The following RCOR1 variants were observed in gnomAD, a reference collection of about 807,000 sequenced individuals.
RCOR1 encodes the protein REST corepressor 1.
In RCOR1, 12 loss-of-function variants were observed where a neutral mutation model predicts 64.0. That is an observed-to-expected ratio of 0.19 (90% CI 0.12 to 0.30). The LOEUF is 0.30. RCOR1 is among the 10% of genes least tolerant of loss of function. The pLI is 1.00. For synonymous variants in RCOR1, 279 were observed against 227.2 expected (o/e 1.23, Z -2.05); for missense variants, 502 against 621.2 (o/e 0.81, Z 2.04).
rs760210945 is a variant in RCOR1 at position 102,592,893 on chromosome 14, G to C, written c.7G>C (p.Ala3Pro). 2.4e-6 allele frequency: 3 copies of C among 1,232,158 alleles called. No individual in the cohort carries two copies. Among genetic ancestry groups the C allele is most frequent in the African/African-American group, 3.2e-5 (2 of 62,200 alleles). 76.3% of individuals were successfully genotyped at this position (1,232,158 alleles called of 1,614,324 possible). A position where few individuals can be genotyped will look rare whatever the true frequency, so the allele number is the denominator to read the frequency against. ...ACGGCCCCGGCCCCCGCCGATGCCG[G>C]CCATGGTGGAGAAGGGCCCCGAGGT... MP[A>P]MVEKGPEVSG... The change falls in exon 1 of 12, where the codon GCC (alanine) becomes CCC (proline). Residue 3 changes from alanine (A) to proline (P), a missense_variant. Ala to Pro is a conservative substitution (Grantham distance 27). Around this residue, in one of 2 missense-constraint regions of RCOR1, gnomAD observed 242 missense variants for 204.9 expected, o/e 1.18. Transcript: ENST00000262241.
intron 2 of RCOR1, among the ~76,000 whole-genome samples, chr14:102,676,172 C>T (rs1425129233): frequency 2.7e-5 from 4 of 150,744 alleles, no homozygotes; most frequent in African/African-American, 9.8e-5. Flanking sequence ...TCCCGCCTTT[C>T]TATTCCACAA....
In RCOR1 at chr14:102,701,363, A is replaced by G. The variant is rs748206966; in HGVS notation, c.498+33A>G. 4.7e-6 allele frequency: 7 copies of G among 1,480,170 alleles called. No homozygotes were observed. In the African/African-American group the frequency reaches 1.0e-4, roughly 21 times the overall value. 91.7% of individuals were successfully genotyped at this position (1,480,170 alleles called of 1,614,324 possible). A position where few individuals can be genotyped will look rare whatever the true frequency, so the allele number is the denominator to read the frequency against. On this transcript the variant is annotated intron_variant, in intron 4 of 11. Coordinates refer to ENST00000262241, the MANE Select transcript of RCOR1 (RefSeq NM_015156.4). ...CATGGTTTTCTTTCTTTTGCTGTTA[A>G]AAAATGAGTATTTGTAACTAAATAA...
intron 2 of RCOR1, among the ~76,000 whole-genome samples, chr14:102,630,710 G>T (rs1000181655): frequency 6.6e-6 from 1 of 152,126 alleles, no homozygotes; most frequent in Non-Finnish European, 1.5e-5. Flanking sequence ...TCCTTTTCTG[G>T]TTCAAGTTAT....
intron 2 of RCOR1, among the ~76,000 whole-genome samples, chr14:102,642,424 T>G (rs1894387739): frequency 6.6e-6 from 1 of 152,244 alleles, no homozygotes. Flanking sequence ...ATGCGTTTCT[T>G]CATTTGTTAA....
intron 2 of RCOR1, among the ~76,000 whole-genome samples, chr14:102,648,522 A>G (rs1894520192): frequency 1.3e-5 from 2 of 152,186 alleles, no homozygotes; most frequent in South Asian, 2.1e-4. Context: ...ATAGAAACCA[A>G]TATCTTGGCA....
intron 2 of RCOR1, among the ~76,000 whole-genome samples, chr14:102,616,179 C>T (rs1893754998): frequency 6.7e-6 from 1 of 149,706 alleles, no homozygotes; most frequent in South Asian, 2.1e-4. Context: ...TGTGTTTATC[C>T]ATTTATTACA....
At chr14:102,680,415 T>TG (rs1307861831) in intron 2 of RCOR1, among the ~76,000 whole-genome samples, 3 of 152,212 alleles carry the variant, frequency 2.0e-5, no homozygotes, top group Non-Finnish European at 2.9e-5. Context: ...GTATTCCCTT[T>TG]GGGGTCCCTC....
At chr14:102,618,645 G>A (rs1300031117) in intron 2 of RCOR1, among the ~76,000 whole-genome samples, 1 of 152,180 alleles carries the variant, frequency 6.6e-6, no homozygotes, top group Non-Finnish European at 1.5e-5. Flanking sequence ...TCTGGCTGAA[G>A]TTTAGTAATT....
At chr14:102,593,939 C>T (rs1291876435) in intron 2 of RCOR1, among the ~76,000 whole-genome samples, 1 of 152,186 alleles carries the variant, frequency 6.6e-6, no homozygotes, top group African/African-American at 2.4e-5. Context: ...ATTTTAGGAC[C>T]TATTTGTAAA....
intron 2 of RCOR1, among the ~76,000 whole-genome samples, chr14:102,620,664 T>G (rs908700559): frequency 1.2e-4 from 19 of 152,178 alleles, no homozygotes; most frequent in African/African-American, 4.6e-4. Context: ...CAAGGCTCAG[T>G]GAGCTCTGAT....
At position 102,707,167 on chromosome 14, in the gene RCOR1, A is replaced by G. The variant is rs368350234; in HGVS notation, c.499-184A>G. ...AAATTACATCACCTGAAAAAAAAGTATGTGTATATTACCACAGTTACAAAG... is the reference window on the plus strand; with the variant it reads ...AAATTACATCACCTGAAAAAAAAGTGTGTGTATATTACCACAGTTACAAAG... On this transcript the variant is annotated intron_variant, in intron 4 of 11. Coordinates refer to ENST00000262241, the MANE Select transcript of RCOR1 (RefSeq NM_015156.4). 3.3e-5 allele frequency among the ~76,000 whole-genome samples: 5 copies of G among 152,206 alleles called. No homozygotes were observed. In the East Asian group the frequency reaches 5.8e-4, roughly 18 times the overall value.
At chr14:102,641,375 G>A (rs1894364995) in intron 2 of RCOR1, among the ~76,000 whole-genome samples, 1 of 152,130 alleles carries the variant, frequency 6.6e-6, no homozygotes, top group South Asian at 2.1e-4. Context: ...TGAGGCGGGT[G>A]GATCACTTGA....
At chr14:102,632,090 G>T (rs547758970) in intron 2 of RCOR1, among the ~76,000 whole-genome samples, 7 of 151,090 alleles carry the variant, frequency 4.6e-5, no homozygotes, top group Admixed American at 2.6e-4. Flanking sequence ...GATTACAGGC[G>T]TGAGCCACCG....
intron 6 of RCOR1, among the ~76,000 whole-genome samples, chr14:102,710,529 T>C (rs1409190458): frequency 1.3e-5 from 2 of 152,216 alleles, no homozygotes; most frequent in African/African-American, 4.8e-5. Flanking sequence ...TTATTCCCAA[T>C]GCAGTGGAAA....
intron 3 of RCOR1, among the ~76,000 whole-genome samples, chr14:102,699,778 T>G (rs563120076): frequency 2.0e-3 from 306 of 151,240 alleles, no homozygotes; most frequent in African/African-American, 6.4e-3. Context: ...TTAGCTTGTG[T>G]TGTTGTTATT....
At chr14:102,641,330 T>G (rs533589098) in intron 2 of RCOR1, among the ~76,000 whole-genome samples, 1 of 152,236 alleles carries the variant, frequency 6.6e-6, no homozygotes, top group South Asian at 2.1e-4. Flanking sequence ...CTGGGCACAG[T>G]GGTTCACACC....
Position 102,726,660 on chromosome 14 carries a change from C to A in RCOR1, c.*154C>A. The A allele has an allele frequency of 1.6e-6, 1 of 637,638 alleles. No homozygotes were observed. The highest frequency in any genetic ancestry group is 2.7e-6 in the Non-Finnish European group (1 of 375,400). The allele number at this position is 637,638 out of a possible 1,614,324, so 39.5% of individuals were successfully genotyped here. On this transcript the variant is annotated 3_prime_UTR_variant, in exon 12 of 12. Transcript: ENST00000262241. ...ACTTCCAGTCCTGTGCTCCATCTGC[C>A]TTAATTCTTTGCTCGTTCCTCCATG...
intron 4 of RCOR1, among the ~76,000 whole-genome samples, chr14:102,704,091 G>A (rs1183796211): frequency 6.6e-6 from 1 of 152,248 alleles, no homozygotes; most frequent in Non-Finnish European, 1.5e-5. Flanking sequence ...GAGTTGAGAG[G>A]TAGTGACTAG....
At chr14:102,669,679 G>A (rs1006358106) in intron 2 of RCOR1, among the ~76,000 whole-genome samples, 5 of 152,096 alleles carry the variant, frequency 3.3e-5, no homozygotes, top group Non-Finnish European at 7.4e-5. Flanking sequence ...CTATAAAATG[G>A]ATAGTCGTAA....
Sources: allele counts gnomAD v4.1 joint callset (sites outside exome capture counted in the v4.1 genomes callset), GRCh38; gene constraint gnomAD v4.1.1; regional missense constraint gnomAD v4.1.1; transcripts MANE v1.5; gene names NCBI Gene and HGNC (gene_info 2026-07-23, HGNC 2026-07-21).